Variants in LIMCH1 observed in about 807,000 individuals in gnomAD.
LIMCH1 encodes LIM and calponin homology domains-containing protein 1.
Under a neutral mutation model 176.5 loss-of-function variants are expected in LIMCH1, and 113 were observed. That is an observed-to-expected ratio of 0.64 (90% CI 0.55 to 0.75). LIMCH1 has a LOEUF of 0.75. Ranked by LOEUF, LIMCH1 falls within the 30% of genes least tolerant of loss-of-function variation. The pLI, the probability that LIMCH1 is intolerant of heterozygous loss-of-function variation, is 0.00. For synonymous variants in LIMCH1, 619 were observed against 645.9 expected (o/e 0.96, Z 0.63); for missense variants, 1,674 against 1,814.9 (o/e 0.92, Z 1.41).
chr4:41,472,405 CTT>C (rs1432665095), intron 1 of LIMCH1, among the ~76,000 whole-genome samples: 3 of 146,050 alleles, frequency 2.1e-5, no homozygotes, highest in African/African-American at 5.0e-5. Context: ...CTCTCTCTCT[CTT>C]TCCTTCCTAC....
At chr4:41,689,024 G>A (rs927023607) in intron 29 of LIMCH1, 23 of 153,376 alleles carry the variant, frequency 1.5e-4, no homozygotes, top group Non-Finnish European at 2.6e-4. Flanking sequence ...TCACCTCTCC[G>A]GGCCCTCTGT....
chr4:41,671,052 T>G, intron 21 of LIMCH1: 1 of 859,028 alleles, frequency 1.2e-6, no homozygotes, highest in Non-Finnish European at 1.4e-6. Flanking sequence ...GAGAGTCCCC[T>G]GCCTTTAAAA....
intron 1 of LIMCH1, chr4:41,473,201 T>C: frequency 1.0e-6 from 1 of 984,638 alleles, no homozygotes; most frequent in Non-Finnish European, 1.2e-6. Flanking sequence ...GAAAGGTGTG[T>C]GCTGTTTACT....
At chr4:41,465,211 G>A (rs2065943535) in intron 1 of LIMCH1, among the ~76,000 whole-genome samples, 1 of 152,004 alleles carries the variant, frequency 6.6e-6, no homozygotes, top group Non-Finnish European at 1.5e-5. Context: ...TCTTCCCCCT[G>A]TGCTGCCATT....
intron 1 of LIMCH1, among the ~76,000 whole-genome samples, chr4:41,542,025 G>A (rs1169754243): frequency 6.6e-6 from 1 of 152,144 alleles, no homozygotes; most frequent in Non-Finnish European, 1.5e-5. Context: ...GCAGCGATGT[G>A]GACTGCGTCT....
At chr4:41,361,020 T>C (rs114496893) in intron 1 of LIMCH1, 49,510 of 962,660 alleles carry the variant, frequency 0.051, 2,277 homozygotes, top group African/African-American at 0.21. Context: ...GGTCCAGCCT[T>C]GCCTCCCCCC....
chr4:41,556,256 A>G (rs373771493), intron 1 of LIMCH1, among the ~76,000 whole-genome samples: 39 of 152,164 alleles, frequency 2.6e-4, no homozygotes, highest in Middle Eastern at 6.8e-3. Flanking sequence ...TTAGCTGGGC[A>G]TGGTGGTGCA....
At chr4:41,365,067 C>A (rs977052955) in intron 1 of LIMCH1, among the ~76,000 whole-genome samples, 1 of 152,178 alleles carries the variant, frequency 6.6e-6, no homozygotes, top group Non-Finnish European at 1.5e-5. Context: ...AAACAGATGT[C>A]CTTCGACTTG....
In LIMCH1 at chr4:41,620,471, G is replaced by A. The variant is rs1405152096; in HGVS notation, c.506G>A (p.Gly169Asp). 4 of 1,536,210 alleles carry A rather than the reference G, an allele frequency of 2.6e-6. No individual in the cohort carries two copies. Among genetic ancestry groups the A allele is most frequent in the South Asian group, 1.2e-5 (1 of 84,064 alleles). ...GAGGGGAGTGAAGTGGGGTCTGCTG[G>A]TGAAGACAACCCAGCTGGCCAAATG... Reference protein sequence around the residue: ...EEEGSEVGSAGEDNPAGQMNP... With the variant: ...EEEGSEVGSADEDNPAGQMNP... The change falls in exon 7 of 32, where the codon GGT (glycine) becomes GAT (aspartate). Residue 169 changes from glycine to aspartate, a missense_variant. By Grantham distance (94) the Gly-to-Asp change is moderately conservative. This residue lies in a region of LIMCH1 where 655 missense variants were observed against 692.2 expected (regional missense o/e 0.95). Coordinates refer to ENST00000503057, the MANE Select transcript of LIMCH1 (RefSeq NM_001330672.2).
chr4:41,655,200 A>T (rs774942743), intron 18 of LIMCH1, among the ~76,000 whole-genome samples: 15 of 152,222 alleles, frequency 9.9e-5, no homozygotes, highest in Non-Finnish European at 2.1e-4. Flanking sequence ...TAACCAAAAA[A>T]TACTTCATAC....
In LIMCH1 at chr4:41,646,165, G is replaced by A; in HGVS notation, c.2296G>A (p.Asp766Asn). The change falls in exon 16 of 32, where the codon GAC (aspartate) becomes AAC (asparagine). Residue 766 changes from aspartate (D) to asparagine (N), a missense_variant. Transcript: ENST00000503057. Reference sequence around the variant, plus strand: ...GAGTCGTAGAAGAAGTGTTTCTCAGGACTTAATCAAGAAAGAGGAAGAAAG... The same window carrying A: ...GAGTCGTAGAAGAAGTGTTTCTCAGAACTTAATCAAGAAAGAGGAAGAAAG... ...WKSRRRSVSQ[D>N]LIKKEEERKK... is the part of the protein sequence containing the mutation. 6 of 1,613,982 alleles carry A rather than the reference G, an allele frequency of 3.7e-6. No individual in the cohort carries two copies. Among genetic ancestry groups the A allele is most frequent in the Non-Finnish European group, 5.1e-6 (6 of 1,179,982 alleles).
chr4:41,545,449 A>G (rs1467508364), intron 1 of LIMCH1, among the ~76,000 whole-genome samples: 2 of 152,194 alleles, frequency 1.3e-5, no homozygotes, highest in Non-Finnish European at 2.9e-5. Flanking sequence ...GTTACTGTGG[A>G]AAGTGAAGGG....
At position 41,547,927 on chromosome 4, in the gene LIMCH1, A is replaced by G. The variant is rs557508443; in HGVS notation, c.-241+9577A>G. 7.8e-5 allele frequency among the ~76,000 whole-genome samples: 11 copies of G among 141,226 alleles called. 1 individual carries two copies. Among genetic ancestry groups the G allele is most frequent in the African/African-American group, 1.8e-4 (7 of 38,844 alleles). 92.6% of individuals were successfully genotyped at this position (141,226 alleles called of 152,430 possible). Reference sequence around the variant, plus strand: ...GTGAGTACATTACCTAGTGCATGGTATGTGCTCAGAAAAAGATGACTATAG... The same window carrying G: ...GTGAGTACATTACCTAGTGCATGGTGTGTGCTCAGAAAAAGATGACTATAG... On this transcript the variant is annotated intron_variant, in intron 1 of 31. Coordinates refer to ENST00000503057, the MANE Select transcript of LIMCH1 (RefSeq NM_001330672.2).
chr4:41,573,602 T>C (rs558453749), intron 1 of LIMCH1, among the ~76,000 whole-genome samples: 11 of 152,356 alleles, frequency 7.2e-5, no homozygotes, highest in Admixed American at 6.5e-4. Flanking sequence ...CAATGTGCAA[T>C]AAATTGCTTA....
At chr4:41,481,824 G>A (rs2068689881) in intron 1 of LIMCH1, among the ~76,000 whole-genome samples, 1 of 151,742 alleles carries the variant, frequency 6.6e-6, no homozygotes, top group South Asian at 2.1e-4. Flanking sequence ...TAAGACTTTG[G>A]TATTGATCTT....
intron 1 of LIMCH1, among the ~76,000 whole-genome samples, chr4:41,558,765 C>T (rs952656606): frequency 3.3e-5 from 5 of 152,014 alleles, no homozygotes; most frequent in Non-Finnish European, 1.5e-5. Flanking sequence ...ATTTAGAGAC[C>T]ATTTTCTATG....
At chr4:41,670,570 A>C (rs2153008007) in intron 21 of LIMCH1, 1 of 532,216 alleles carries the variant, frequency 1.9e-6, no homozygotes, top group Non-Finnish European at 3.3e-6. Context: ...GTGTGTTATT[A>C]AGACATTTTG....
intron 1 of LIMCH1, among the ~76,000 whole-genome samples, chr4:41,490,010 A>G (rs1186605963): frequency 2.0e-5 from 3 of 152,170 alleles, no homozygotes; most frequent in African/African-American, 4.8e-5. Flanking sequence ...TCTACTTACT[A>G]TTCATTAAGG....
At chr4:41,576,328 G>A (rs754241104) in intron 1 of LIMCH1, among the ~76,000 whole-genome samples, 9 of 151,928 alleles carry the variant, frequency 5.9e-5, no homozygotes, top group Non-Finnish European at 8.8e-5. Context: ...TATTATAAAG[G>A]CAATACTTGC....
Sources: gnomAD v4.1 joint callset for allele counts (sites outside exome capture counted in the v4.1 genomes callset) on GRCh38, gnomAD v4.1.1 for gene constraint, gnomAD v4.1.1 regional missense constraint, MANE v1.5 for transcripts, NCBI Gene and HGNC (gene_info 2026-07-23, HGNC 2026-07-21) for gene names.